HCN1: variants seen among roughly 807,000 people sequenced by gnomAD.
HCN1 encodes the protein hyperpolarization activated cyclic nucleotide gated potassium channel 1, also known as potassium/sodium hyperpolarization-activated cyclic nucleotide-gated channel 1.
A neutral mutation model predicts 78.9 loss-of-function variants in HCN1; 13 were observed. That is an observed-to-expected ratio of 0.16 (90% confidence interval 0.11 to 0.26). HCN1 has a LOEUF of 0.26. Ranked by LOEUF, HCN1 falls within the 10% of genes least tolerant of loss-of-function variation. HCN1 has a pLI of 1.00. For synonymous variants in HCN1, 552 were observed against 455.5 expected, an observed-to-expected ratio of 1.21 and a Z score of -2.70; for missense variants, 810 against 1,154.3, an observed-to-expected ratio of 0.70 and a Z score of 4.32.
At chr5:45,289,761 T>C (rs1029463855) in intron 6 of HCN1, among the ~76,000 whole-genome samples, 3 of 152,050 alleles carry the variant, frequency 2.0e-5, no homozygotes, top group African/African-American at 7.2e-5. Context: ...GGTAACAAAT[T>C]ACTATAGAGT....
At chr5:45,372,427 T>C (rs1279638642) in intron 4 of HCN1, among the ~76,000 whole-genome samples, 1 of 122,438 alleles carries the variant, frequency 8.2e-6, no homozygotes, top group African/African-American at 3.1e-5. Flanking sequence ...ATATGTAAAA[T>C]AATATATACT....
intron 5 of HCN1, among the ~76,000 whole-genome samples, chr5:45,336,087 G>A (rs1167837425): frequency 6.6e-6 from 1 of 151,886 alleles, no homozygotes; most frequent in Non-Finnish European, 1.5e-5. Context: ...CAGCAGCCAG[G>A]GGCAAATAAG....
At chr5:45,471,513 G>A (rs1024112923) in intron 2 of HCN1, among the ~76,000 whole-genome samples, 8 of 151,814 alleles carry the variant, frequency 5.3e-5, no homozygotes. Context: ...TGTCTGTTCT[G>A]TCTTAACGAG....
At chr5:45,552,174 C>T (rs550860209) in intron 2 of HCN1, among the ~76,000 whole-genome samples, 32 of 151,964 alleles carry the variant, frequency 2.1e-4, no homozygotes, top group Admixed American at 5.3e-4. Flanking sequence ...ACATCTTTGG[C>T]GAAATCTGTC....
chr5:45,633,812 ATC>A (rs1333551481), intron 2 of HCN1, among the ~76,000 whole-genome samples: 1 of 151,988 alleles, frequency 6.6e-6, no homozygotes, highest in Non-Finnish European at 1.5e-5. Context: ...AAAATCACAT[ATC>A]TAAGAAATGT....
At chr5:45,459,367 A>G (rs75862925) in intron 3 of HCN1, among the ~76,000 whole-genome samples, 1,963 of 152,084 alleles carry the variant, frequency 0.013, 53 homozygotes, top group African/African-American at 0.045. Flanking sequence ...ACACAAGAGA[A>G]AATAAAAACC....
chr5:45,521,719 G>T (rs1742617355), intron 2 of HCN1, among the ~76,000 whole-genome samples: 3 of 151,834 alleles, frequency 2.0e-5, no homozygotes, highest in Non-Finnish European at 4.4e-5. Flanking sequence ...TCTTTTGCAG[G>T]GAGGGGATAA....
Position 45,567,068 on chromosome 5 carries a change from A to T in HCN1, c.849+78117T>A, listed in dbSNP as rs372987627. Among the ~76,000 whole-genome samples, 8 of 152,214 alleles carry T rather than the reference A, an allele frequency of 5.3e-5. No homozygotes were observed. In the South Asian group the frequency reaches 1.7e-3, roughly 31 times the overall value. On this transcript the variant is annotated intron_variant, in intron 2 of 7. Coordinates refer to ENST00000303230, the MANE Select transcript of HCN1 (RefSeq NM_021072.4). Reference sequence around the variant, plus strand: ...TTTATAACTTAATATTGTTGTCAATACATAGGGGAATTTCACTTAATTGGT... The same window carrying T: ...TTTATAACTTAATATTGTTGTCAATTCATAGGGGAATTTCACTTAATTGGT...
chr5:45,597,051 C>T (rs756978659), intron 2 of HCN1, among the ~76,000 whole-genome samples: 2 of 152,142 alleles, frequency 1.3e-5, no homozygotes, highest in Admixed American at 1.3e-4. Context: ...AGGGAATACT[C>T]CCTAACTCAT....
chr5:45,428,451 T>A (rs954042930), intron 3 of HCN1, among the ~76,000 whole-genome samples: 3 of 152,078 alleles, frequency 2.0e-5, no homozygotes, highest in Non-Finnish European at 4.4e-5. Flanking sequence ...TTGAAGAAAT[T>A]TAGAATCATT....
At chr5:45,418,436 TCA>T (rs1325207097) in intron 3 of HCN1, among the ~76,000 whole-genome samples, 1 of 149,514 alleles carries the variant, frequency 6.7e-6, no homozygotes, top group Non-Finnish European at 1.5e-5. Flanking sequence ...CTATCACCTA[TCA>T]CAGAGCTCAT....
chr5:45,603,190 G>T lies in HCN1; in HGVS notation c.849+41995C>A, dbSNP rs575849320. ...GTACCCTGTTATAATATCTGATGCA[G>T]TCTGAATCCATTTGCTGTTTTAGTA... On this transcript the variant is annotated intron_variant, in intron 2 of 7. Coordinates refer to ENST00000303230, the MANE Select transcript of HCN1 (RefSeq NM_021072.4). Among the ~76,000 whole-genome samples, 17 of 152,124 alleles carry T rather than the reference G, an allele frequency of 1.1e-4. No individual in the cohort carries two copies. The East Asian group carries it at 3.3e-3, about 29-fold the overall frequency.
intron 2 of HCN1, among the ~76,000 whole-genome samples, chr5:45,595,616 T>A (rs1744474334): frequency 6.6e-6 from 1 of 152,182 alleles, no homozygotes; most frequent in Non-Finnish European, 1.5e-5. Flanking sequence ...TAAAGATATA[T>A]TTAAGGTATA....
chr5:45,691,809 A>G (rs1241346936), intron 1 of HCN1, among the ~76,000 whole-genome samples: 1 of 152,212 alleles, frequency 6.6e-6, no homozygotes, highest in Non-Finnish European at 1.5e-5. Context: ...TAATGAACAC[A>G]TCAGTGATCT....
At chr5:45,398,975 T>C (rs576186831) in intron 3 of HCN1, among the ~76,000 whole-genome samples, 1 of 152,360 alleles carries the variant, frequency 6.6e-6, no homozygotes, top group African/African-American at 2.4e-5. Context: ...TTTGTAATAA[T>C]TTATTTACAA....
At chr5:45,610,579 AATAT>A (rs1009473298) in intron 2 of HCN1, among the ~76,000 whole-genome samples, 1 of 149,532 alleles carries the variant, frequency 6.7e-6, no homozygotes, top group Non-Finnish European at 1.5e-5. Flanking sequence ...ATATATGATT[AATAT>A]ATATATTCAA....
At chr5:45,298,437 A>G (rs570702712) in intron 6 of HCN1, among the ~76,000 whole-genome samples, 1 of 152,114 alleles carries the variant, frequency 6.6e-6, no homozygotes, top group South Asian at 2.1e-4. Flanking sequence ...ACTATTCAAG[A>G]TGAGCCAGGA....
chr5:45,301,406 T>TA (rs1447844953), intron 6 of HCN1, among the ~76,000 whole-genome samples: 4 of 151,146 alleles, frequency 2.6e-5, no homozygotes, highest in Non-Finnish European at 5.9e-5. Context: ...TAAAACTAAA[T>TA]AAAATAGATA....
intron 2 of HCN1, among the ~76,000 whole-genome samples, chr5:45,538,355 T>C (rs568382645): frequency 1.6e-4 from 24 of 152,286 alleles, no homozygotes; most frequent in Middle Eastern, 3.4e-3. Context: ...CCAATCATCA[T>C]AATAATAAGA....
Sources: gnomAD v4.1 joint callset for allele counts (sites outside exome capture counted in the v4.1 genomes callset) on GRCh38, gnomAD v4.1.1 for gene constraint, MANE v1.5 for transcripts, NCBI Gene and HGNC (gene_info 2026-07-23, HGNC 2026-07-21) for gene names.